Variants in CAST observed in about 807,000 individuals in gnomAD.
CAST encodes the protein calpastatin, also known as MIR583 host.
A neutral mutation model predicts 119.6 loss-of-function variants in CAST; 76 were observed. The ratio of observed to expected loss-of-function variants is 0.64; its 90% CI spans 0.53 to 0.77. The LOEUF (loss-of-function observed/expected upper bound fraction) is 0.77, where lower values mean the gene tolerates loss of function less well. Ranked by LOEUF, CAST falls within the 30% of genes least tolerant of loss-of-function variation. The pLI is 0.00. For synonymous variants in CAST, 319 were observed against 331.6 expected (o/e 0.96, Z 0.41); for missense variants, 953 against 946.5 (o/e 1.01, Z -0.09).
intron 1 of CAST, among the ~76,000 whole-genome samples, chr5:96,561,796 G>GTTTTTTTTTTTTTTTTTTTTTTTT (rs11375615): frequency 5.1e-5 from 5 of 97,418 alleles, no homozygotes; most frequent in Non-Finnish European, 7.7e-5. Flanking sequence ...GTTTTTTTTT[G>GTTTTTTTTTTTTTTTTTTTTTTTT]TTTTTTTTTT....
At chr5:96,054,164 T>C in the CAST span, among the ~76,000 whole-genome samples, 1 of 152,218 alleles carries the variant, frequency 6.6e-6, no homozygotes. Flanking sequence ...TGTAGTTTTT[T>C]TCCAAACCAG....
chr5:96,539,537 G>T (rs985473359), intron 1 of CAST, among the ~76,000 whole-genome samples: 5 of 151,216 alleles, frequency 3.3e-5, no homozygotes, highest in African/African-American at 1.2e-4. Context: ...TTTTATTTTT[G>T]CTCTGTCTTG....
intron 24 of CAST, 68 bp downstream of exon 24, chr5:96,757,722 G>C: frequency 9.4e-7 from 1 of 1,058,280 alleles, no homozygotes. Flanking sequence ...ATGGAGTCTT[G>C]CTCTGTCATC....
the CAST span, among the ~76,000 whole-genome samples, chr5:96,473,464 C>G: frequency 8.9e-4 from 135 of 152,364 alleles, no homozygotes; most frequent in African/African-American, 3.1e-3. Flanking sequence ...TCTGGTGCAA[C>G]TGTTCCAGGA....
chr5:96,578,261 G>A (rs2150188592), intron 1 of CAST, among the ~76,000 whole-genome samples: 1 of 150,378 alleles, frequency 6.6e-6, no homozygotes, highest in South Asian at 2.1e-4. Context: ...CTTTGTTAAT[G>A]TTTGCATGAT....
the CAST span, among the ~76,000 whole-genome samples, chr5:96,338,621 T>G: frequency 6.6e-6 from 1 of 152,306 alleles, no homozygotes; most frequent in Middle Eastern, 3.4e-3. Flanking sequence ...AGTAGAAATG[T>G]GATTTGGTGG....
the CAST span, among the ~76,000 whole-genome samples, chr5:96,421,257 A>G: frequency 6.6e-6 from 1 of 152,226 alleles, no homozygotes; most frequent in Non-Finnish European, 1.5e-5. Context: ...TTCAAGGGAC[A>G]GAGAGTTAAT....
chr5:96,140,865 TCTCTATTGTAACACTCCTCA>T, the CAST span, among the ~76,000 whole-genome samples: 1 of 152,170 alleles, frequency 6.6e-6, no homozygotes, highest in Non-Finnish European at 1.5e-5. Context: ...TGAATATATT[TCTCTATTGTAACACTCCTCA>T]CTCTATTGTA....
the CAST span, among the ~76,000 whole-genome samples, chr5:96,464,972 C>T: frequency 6.6e-6 from 1 of 152,112 alleles, no homozygotes; most frequent in African/African-American, 2.4e-5. Flanking sequence ...TTGATTTTGA[C>T]TGCATTGGAT....
intron 1 of CAST, among the ~76,000 whole-genome samples, chr5:96,578,979 C>T (rs906829876): frequency 6.6e-6 from 1 of 152,140 alleles, no homozygotes; most frequent in Non-Finnish European, 1.5e-5. Flanking sequence ...CTGGAGCGTC[C>T]ACTGGTTCCT....
chr5:96,423,333 T>A, the CAST span: 1 of 1,611,888 alleles, frequency 6.2e-7, no homozygotes, highest in South Asian at 1.1e-5. Context: ...TAAATGTCCG[T>A]GTGATTCCAC....
intron 22 of CAST, among the ~76,000 whole-genome samples, chr5:96,757,099 T>TA (rs1766475535): frequency 6.6e-6 from 1 of 152,206 alleles, no homozygotes; most frequent in Admixed American, 6.5e-5. Flanking sequence ...AAAGGGCTTA[T>TA]CCCACACTGT....
the CAST span, among the ~76,000 whole-genome samples, chr5:96,263,624 G>GAC: frequency 6.6e-6 from 1 of 150,408 alleles, no homozygotes; most frequent in Non-Finnish European, 1.5e-5. Flanking sequence ...GAGAGAGAGA[G>GAC]AGACTTGGTT....
chr5:96,743,727 T>C, intron 16 of CAST: 2 of 1,605,384 alleles, frequency 1.2e-6, no homozygotes, highest in Admixed American at 1.7e-5. Flanking sequence ...AGAGAAGCAG[T>C]TCGTATCTTC....
chr5:96,634,409 T>C (rs1249801187), intron 1 of CAST, among the ~76,000 whole-genome samples: 4 of 152,246 alleles, frequency 2.6e-5, no homozygotes, highest in African/African-American at 9.6e-5. Flanking sequence ...GGCAAATACA[T>C]ATTCACATAT....
At chr5:95,964,831 T>C in the CAST span, among the ~76,000 whole-genome samples, 114 of 152,360 alleles carry the variant, frequency 7.5e-4, 1 homozygote, top group African/African-American at 2.1e-3. Flanking sequence ...GGATTAGATT[T>C]AATAACTGAG....
At chr5:96,548,538 C>A (rs974171229) in intron 1 of CAST, among the ~76,000 whole-genome samples, 2 of 152,080 alleles carry the variant, frequency 1.3e-5, no homozygotes, top group African/African-American at 4.8e-5. Flanking sequence ...CCCCCACCAA[C>A]CCTTGTGTTT....
At chr5:96,609,843 T>C (rs373863069) in intron 1 of CAST, among the ~76,000 whole-genome samples, 4 of 150,364 alleles carry the variant, frequency 2.7e-5, no homozygotes, top group African/African-American at 9.7e-5. Context: ...GGGCATTTTT[T>C]AAATGCCTTA....
intron 16 of CAST, chr5:96,743,557 G>T: frequency 6.4e-7 from 1 of 1,567,346 alleles, no homozygotes. Context: ...CCTGTTCTGA[G>T]TCATCAGGGA....
Sources: gnomAD v4.1 joint callset for allele counts (sites outside exome capture counted in the v4.1 genomes callset) on GRCh38, gnomAD v4.1.1 for gene constraint, MANE v1.5 for transcripts, NCBI Gene and HGNC (gene_info 2026-07-23, HGNC 2026-07-21) for gene names.